The following PTK7 variants were observed in gnomAD, a reference collection of about 807,000 sequenced individuals.
PTK7 encodes inactive tyrosine-protein kinase 7.
In PTK7, 39 loss-of-function variants were observed where a neutral mutation model predicts 116.6. That is an observed-to-expected ratio of 0.33 (90% CI 0.26 to 0.44). PTK7 has a LOEUF of 0.44. Ranked by LOEUF, PTK7 falls within the 20% of genes least tolerant of loss-of-function variation. PTK7 has a pLI of 1.00. For missense variants in PTK7, 1,169 were observed against 1,425.6 expected (o/e 0.82, Z 2.90); for synonymous variants, 546 against 563.6 (o/e 0.97, Z 0.44).
chr6:43,159,824 G>T lies in PTK7; in HGVS notation c.2910G>T (p.Leu970=), dbSNP rs758982422. 6.2e-7 allele frequency: 1 copy of T among 1,614,244 alleles called. No individual in the cohort carries two copies. Among genetic ancestry groups the T allele is most frequent in the Non-Finnish European group, 8.5e-7 (1 of 1,180,040 alleles). The part of the protein sequence containing the change: ...YYHFRQAWVP[L]RWMSPEAILE... The stretch of plus-strand genomic sequence containing the variant: ...ACTTCCGCCAGGCCTGGGTGCCGCT[G>T]CGCTGGATGTCCCCCGAGGCCATCC... The change falls in exon 19 of 20, where the codon CTG becomes CTT. Residue 970 remains leucine, a synonymous_variant. Coordinates refer to ENST00000230419, the MANE Select transcript of PTK7 (RefSeq NM_002821.5).
Position 43,144,508 on chromosome 6 carries a change from C to G in PTK7, c.2309C>G (p.Thr770Ser). 6.2e-7 allele frequency: 1 copy of G among 1,614,192 alleles called. No individual in the cohort carries two copies. Among genetic ancestry groups the G allele is most frequent in the Non-Finnish European group, 8.5e-7 (1 of 1,180,034 alleles). Reference protein sequence around the residue: ...SAEIQEEVALTSLGSGPAATN... With the variant: ...SAEIQEEVALSSLGSGPAATN... Reference sequence around the variant, plus strand: ...GAGATCCAAGAAGAAGTGGCCTTGACCAGCTTGGGCTCCGGCCCCGCGGCC... The same window carrying G: ...GAGATCCAAGAAGAAGTGGCCTTGAGCAGCTTGGGCTCCGGCCCCGCGGCC... Residue 770 changes from threonine (T) to serine (S), a missense_variant, in exon 15 of 20, where the codon ACC (threonine) becomes AGC (serine). Around this residue, in one of 3 missense-constraint regions of PTK7, gnomAD observed 678 missense variants for 853.8 expected, o/e 0.79. Coordinates refer to ENST00000230419, the MANE Select transcript of PTK7 (RefSeq NM_002821.5).
At chr6:43,151,876 G>T (rs1443625102) in intron 17 of PTK7, among the ~76,000 whole-genome samples, 1 of 98,520 alleles carries the variant, frequency 1.0e-5, no homozygotes, top group Non-Finnish European at 1.9e-5. Flanking sequence ...AGGCAGTCTC[G>T]CTCTGTCGCC....
At position 43,146,704 on chromosome 6, in the gene PTK7, G is replaced by A; in HGVS notation, c.2721+6G>A. Reference sequence around the variant, plus strand: ...CCCTCAGCACCAAGCAGAAGGTGAGGACAGGGAGTGAAGGAGGGAGGGAGA... The same window carrying A: ...CCCTCAGCACCAAGCAGAAGGTGAGAACAGGGAGTGAAGGAGGGAGGGAGA... On this transcript the variant is annotated splice_donor_region_variant and intron_variant, in intron 17 of 19. Coordinates refer to ENST00000230419, the MANE Select transcript of PTK7 (RefSeq NM_002821.5). 6.2e-7 allele frequency: 1 copy of A among 1,611,490 alleles called. No individual in the cohort carries two copies. Among genetic ancestry groups the A allele is most frequent in the Admixed American group, 1.7e-5 (1 of 59,990 alleles).
chr6:43,118,620 C>CCTCTCTCTCT (rs1170818291), intron 1 of PTK7, among the ~76,000 whole-genome samples: 15 of 63,352 alleles, frequency 2.4e-4, no homozygotes, highest in South Asian at 6.4e-4. Flanking sequence ...AATATTTTAA[C>CCTCTCTCTCT]CTCTCTCTCT....
At chr6:43,106,323 T>G (rs1208223490) in intron 1 of PTK7, among the ~76,000 whole-genome samples, 1 of 152,200 alleles carries the variant, frequency 6.6e-6, no homozygotes, top group Admixed American at 6.5e-5. Flanking sequence ...TTGTTTGTTT[T>G]TTGAGACAGG....
rs771760642 is a variant in PTK7, at chr6:43,076,496, C to A, written c.8C>A (p.Ala3Asp). The A allele has an allele frequency of 3.8e-6, 6 of 1,569,378 alleles. No homozygotes were observed. Among genetic ancestry groups the A allele is most frequent in the Non-Finnish European group, 5.2e-6 (6 of 1,163,128 alleles). Residue 3 changes from alanine (A) to aspartate (D), a missense_variant, in exon 1 of 20, where the codon GCT (alanine) becomes GAT (aspartate). Around this residue, in one of 3 missense-constraint regions of PTK7, gnomAD observed 487 missense variants for 549.8 expected, o/e 0.89. Transcript: ENST00000230419. The surrounding 1 kb of genome is among the most constrained non-coding windows in gnomAD (Gnocchi z 5.7). MG[A>D]ARGSPARPRR... ...TTTCCTGAGCCCGCCGCGATGGGAG[C>A]TGCGCGGGGATCCCCGGCCAGACCC...
chr6:43,132,283 T>C (rs1034835516), intron 6 of PTK7, 119 bp downstream of exon 6: 7 of 1,503,440 alleles, frequency 4.7e-6, no homozygotes, highest in Admixed American at 2.1e-5. Flanking sequence ...AAAAGGATGC[T>C]GGGAGTAGGA....
At chr6:43,147,715 G>C (rs747144119) in intron 17 of PTK7, among the ~76,000 whole-genome samples, 17 of 152,208 alleles carry the variant, frequency 1.1e-4, no homozygotes, top group Non-Finnish European at 1.9e-4. Context: ...TGCCCTTCAG[G>C]CTGGCCCCCT....
chr6:43,133,611 C>T (rs1561969473), intron 7 of PTK7: 1 of 152,124 alleles, frequency 6.6e-6, no homozygotes, highest in Non-Finnish European at 1.5e-5. Flanking sequence ...TCACTACAGG[C>T]ATAGGGATTT....
intron 1 of PTK7, among the ~76,000 whole-genome samples, chr6:43,117,097 T>TA (rs1184936071): frequency 6.6e-6 from 1 of 152,160 alleles, no homozygotes; most frequent in Non-Finnish European, 1.5e-5. Context: ...GTGCTGGGAT[T>TA]ACAATCAGGC....
intron 1 of PTK7, among the ~76,000 whole-genome samples, chr6:43,106,923 TG>T (rs1381193717): frequency 6.5e-5 from 7 of 108,400 alleles, no homozygotes; most frequent in Non-Finnish European, 1.3e-4. Context: ...GCCTCTTCCC[TG>T]AATTTTTTTT....
chr6:43,160,965 C>T lies in PTK7; in HGVS notation c.*84C>T. ...CAGCATGATGGGCAAGATCCCTGTC[C>T]TCCTGGGCCCTGAGGCCCCTGCCCT... is the stretch of plus-strand genomic sequence containing the variant. On this transcript the variant is annotated 3_prime_UTR_variant, in exon 20 of 20. Coordinates refer to ENST00000230419, the MANE Select transcript of PTK7 (RefSeq NM_002821.5). 1 of 1,516,442 alleles carries T rather than the reference C, an allele frequency of 6.6e-7. No individual in the cohort carries two copies. The highest frequency in any genetic ancestry group is 8.8e-7 in the Non-Finnish European group (1 of 1,130,440). 93.9% of individuals were successfully genotyped at this position (1,516,442 alleles called of 1,614,324 possible). A position where few individuals can be genotyped will look rare whatever the true frequency, so the allele number is the denominator to read the frequency against.
At chr6:43,132,186 G>A in intron 6 of PTK7, 22 bp downstream of exon 6, 1 of 1,586,112 alleles carries the variant, frequency 6.3e-7, no homozygotes, top group Non-Finnish European at 8.6e-7. Flanking sequence ...GGTCTGGGGT[G>A]CTGATGTGGG....
At chr6:43,120,635 G>T (rs572750423) in intron 1 of PTK7, among the ~76,000 whole-genome samples, 1 of 152,334 alleles carries the variant, frequency 6.6e-6, no homozygotes, top group South Asian at 2.1e-4. Context: ...GATGGTGAGT[G>T]GGGGAGATTC....
At chr6:43,132,800 G>A (rs1224145083) in intron 7 of PTK7, 113 bp downstream of exon 7, 3 of 1,434,598 alleles carry the variant, frequency 2.1e-6, no homozygotes, top group Admixed American at 3.9e-5. Context: ...TCTGGGCCCT[G>A]CAGGCTTGGG....
chr6:43,081,383 G>A (rs1018836910), intron 1 of PTK7, among the ~76,000 whole-genome samples: 6 of 151,978 alleles, frequency 3.9e-5, no homozygotes, highest in Admixed American at 2.0e-4. Context: ...TCTTATGTAG[G>A]TGGTTTTTTT....
chr6:43,142,630 TAGGACAAGGTTCTTTTCTCC>T (rs1002653654), intron 13 of PTK7: 93 of 411,044 alleles, frequency 2.3e-4, no homozygotes, highest in Middle Eastern at 1.6e-3. Context: ...CAGAATGCAG[TAGGACAAGGTTCTTTTCTCC>T]AGGAGGCCCA....
chr6:43,093,183 CTTTTTTTTTTTTT>C (rs72414606), intron 1 of PTK7, among the ~76,000 whole-genome samples: 2 of 84,772 alleles, frequency 2.4e-5, no homozygotes, highest in Admixed American at 2.9e-4. Flanking sequence ...ATAGGATCTC[CTTTTTTTTTTTTT>C]TTTTTTTTTT....
At chr6:43,142,393 A>G in intron 13 of PTK7, 94 bp downstream of exon 13, 1 of 1,585,026 alleles carries the variant, frequency 6.3e-7, no homozygotes, top group Non-Finnish European at 8.6e-7. Context: ...CATGGCACAG[A>G]AGCCATTTTT....
Sources: allele counts gnomAD v4.1 joint callset (sites outside exome capture counted in the v4.1 genomes callset), GRCh38; gene constraint gnomAD v4.1.1; regional missense constraint gnomAD v4.1.1; non-coding constraint Gnocchi (gnomAD v3.1); transcripts MANE v1.5; gene names NCBI Gene and HGNC (gene_info 2026-07-23, HGNC 2026-07-21).